HYDIN: variants seen among roughly 807,000 people sequenced by gnomAD.
The protein encoded by HYDIN is axonemal central pair apparatus protein HYDIN.
Under a neutral mutation model 403.9 loss-of-function variants are expected in HYDIN, and 132 were observed. The observed-to-expected ratio is 0.33, with a 90% confidence interval of 0.28 to 0.38. The LOEUF (loss-of-function observed/expected upper bound fraction) is 0.38, where lower values mean the gene tolerates loss of function less well. Ranked by LOEUF, HYDIN falls within the 10% of genes least tolerant of loss-of-function variation. The pLI is 1.00. For synonymous variants in HYDIN, 1,202 were observed against 1,891.7 expected, an observed-to-expected ratio of 0.64 and a Z score of 9.46; for missense variants, 2,827 against 5,009.5, an observed-to-expected ratio of 0.56 and a Z score of 13.15.
At chr16:71,217,126 C>A (rs758997550) in intron 1 of HYDIN, among the ~76,000 whole-genome samples, 3 of 152,212 alleles carry the variant, frequency 2.0e-5, no homozygotes, top group Admixed American at 6.5e-5. Flanking sequence ...ATTTAACCTA[C>A]ATAAAATTTA....
chr16:70,859,761 T>C (rs535698228), intron 71 of HYDIN, among the ~76,000 whole-genome samples: 3 of 152,278 alleles, frequency 2.0e-5, no homozygotes, highest in Admixed American at 1.3e-4. Flanking sequence ...TATGCTACTC[T>C]ATGAGTCCTA....
At chr16:71,017,173 C>G (rs893509891) in intron 23 of HYDIN, among the ~76,000 whole-genome samples, 1 of 147,990 alleles carries the variant, frequency 6.8e-6, no homozygotes, top group Non-Finnish European at 1.5e-5. Context: ...AACCGCATCT[C>G]TACTAAAAAT....
At chr16:70,818,970 A>G (rs1169037400) in intron 83 of HYDIN, among the ~76,000 whole-genome samples, 1 of 152,074 alleles carries the variant, frequency 6.6e-6, no homozygotes, top group African/African-American at 2.4e-5. Flanking sequence ...GCTGGAGTGC[A>G]ATGGCATGAC....
At chr16:71,134,511 C>T (rs562506666) in intron 8 of HYDIN, among the ~76,000 whole-genome samples, 8 of 152,356 alleles carry the variant, frequency 5.3e-5, no homozygotes, top group Non-Finnish European at 7.3e-5. Context: ...CTAAAGATCT[C>T]GCTGCTGCTT....
Position 70,818,481 on chromosome 16 carries a change from A to G in HYDIN, c.14519T>C (p.Met4840Thr). 6.7e-7 allele frequency: 1 copy of G among 1,500,954 alleles called. No individual in the cohort carries two copies. Among genetic ancestry groups the G allele is most frequent in the Non-Finnish European group, 9.2e-7 (1 of 1,091,530 alleles). The allele number at this position is 1,500,954 out of a possible 1,614,324, so 93.0% of individuals were successfully genotyped here. ...CGCAACTTGCCGGACTGGGGTCACCATCTCGATGGTTTTGATGATGCCTGA... is the reference window on the plus strand; with the variant it reads ...CGCAACTTGCCGGACTGGGGTCACCGTCTCGATGGTTTTGATGATGCCTGA... ...IPSGIIKTIE[M>T]VTPVRQVASA... is the part of the protein sequence containing the mutation. The change falls in exon 84 of 86, where the codon ATG becomes ACG. Residue 4840 changes from methionine to threonine, a missense_variant. Transcript: ENST00000393567.
In HYDIN at chr16:70,955,458, C is replaced by T. The variant is rs2078204251; in HGVS notation, c.6233G>A (p.Ser2078Asn). The T allele has an allele frequency of 6.2e-7, 1 of 1,614,014 alleles. No homozygotes were observed. The highest frequency in any genetic ancestry group is 8.5e-7 in the Non-Finnish European group (1 of 1,179,938). Residue 2078 changes from serine to asparagine, a missense_variant, in exon 40 of 86, where the codon AGC (serine) becomes AAC (asparagine). Coordinates refer to ENST00000393567, the MANE Select transcript of HYDIN (RefSeq NM_001270974.2). ...DSIVLEAVAN[S>N]NNIPGIRARE... is the part of the protein sequence containing the mutation. ...GGCCCGGATCCCTGGGATGTTGTTG[C>T]TGTTGGCCACAGCTTCCAGCACAAT...
intron 13 of HYDIN, 97 bp from the exon 14 acceptor site, chr16:71,069,599 T>A: frequency 1.5e-6 from 1 of 669,878 alleles, no homozygotes; most frequent in East Asian, 2.7e-5. Flanking sequence ...TTGAATGAAC[T>A]GTCTGTGCTA....
chr16:70,892,573 G>A (rs528241569), intron 55 of HYDIN, 44 bp from the exon 56 acceptor site: 2 of 1,576,524 alleles, frequency 1.3e-6, no homozygotes, highest in Non-Finnish European at 1.7e-6. Flanking sequence ...ATTATCCCGG[G>A]AACTCAAGAT....
At chr16:71,110,270 T>C (rs1459122861) in intron 10 of HYDIN, among the ~76,000 whole-genome samples, 1 of 145,414 alleles carries the variant, frequency 6.9e-6, no homozygotes, top group Non-Finnish European at 1.5e-5. Context: ...ATAATTATGA[T>C]ATACATAATA....
chr16:71,107,018 AG>A (rs2083640970), intron 10 of HYDIN, among the ~76,000 whole-genome samples: 1 of 149,212 alleles, frequency 6.7e-6, no homozygotes, highest in Non-Finnish European at 1.5e-5. Flanking sequence ...ACATGGATGA[AG>A]CTGGAAACCA....
At chr16:71,230,463 G>A (rs924405067) in intron 1 of HYDIN, 99 bp downstream of exon 1, 1 of 1,374,936 alleles carries the variant, frequency 7.3e-7, no homozygotes, top group Non-Finnish European at 9.6e-7. Flanking sequence ...GAGAACGCCT[G>A]GGACGCAGGG....
At position 71,151,937 on chromosome 16, in the gene HYDIN, C is replaced by T. The variant is rs144193547; in HGVS notation, c.841+722G>A. On this transcript the variant is annotated intron_variant, in intron 7 of 85. Coordinates refer to ENST00000393567, the MANE Select transcript of HYDIN (RefSeq NM_001270974.2). Reference sequence around the variant, plus strand: ...TGTAAGATGTTATGTAGGATATTTGCATGTTCTAAGGATTAAAGTAACTGG... The same window carrying T: ...TGTAAGATGTTATGTAGGATATTTGTATGTTCTAAGGATTAAAGTAACTGG... Among the ~76,000 whole-genome samples, 421 of 152,252 alleles carry T rather than the reference C, an allele frequency of 2.8e-3. 2 individuals are homozygous for T. The highest frequency in any genetic ancestry group is 2.2e-3 in the Non-Finnish European group (151 of 68,042).
chr16:70,949,029 C>T (rs1031462606), intron 41 of HYDIN, among the ~76,000 whole-genome samples: 1 of 150,692 alleles, frequency 6.6e-6, no homozygotes, highest in Admixed American at 6.6e-5. Flanking sequence ...TGCGGCACTA[C>T]TCACAATAGC....
At chr16:70,991,521 T>C (rs1360107352) in intron 24 of HYDIN, 125 bp from the exon 25 acceptor site, 1 of 1,445,684 alleles carries the variant, frequency 6.9e-7, no homozygotes, top group Admixed American at 2.2e-5. Flanking sequence ...AGGGGGATTC[T>C]CAATCAAGGG....
intron 1 of HYDIN, among the ~76,000 whole-genome samples, chr16:71,210,622 A>G (rs1397214407): frequency 6.6e-6 from 1 of 152,198 alleles, no homozygotes; most frequent in Non-Finnish European, 1.5e-5. Flanking sequence ...AGTTTCTTAT[A>G]TAACAAGCCA....
chr16:71,097,917 T>G (rs2083321534), intron 10 of HYDIN, among the ~76,000 whole-genome samples: 1 of 152,208 alleles, frequency 6.6e-6, no homozygotes, highest in African/African-American at 2.4e-5. Flanking sequence ...TGACATTTTA[T>G]GTTCCACTGT....
intron 23 of HYDIN, among the ~76,000 whole-genome samples, chr16:71,012,961 C>A (rs1339654242): frequency 6.8e-6 from 1 of 147,308 alleles, no homozygotes; most frequent in East Asian, 2.0e-4. Flanking sequence ...GAAATGATCT[C>A]CTTCTCTCTA....
chr16:71,043,422 T>C (rs2081349681), intron 18 of HYDIN, among the ~76,000 whole-genome samples: 1 of 143,524 alleles, frequency 7.0e-6, no homozygotes, highest in South Asian at 2.2e-4. Context: ...ATATTGCGTC[T>C]TAGAACTCCT....
intron 15 of HYDIN, chr16:71,066,451 T>G (rs2082270132): frequency 6.3e-6 from 1 of 159,734 alleles, no homozygotes; most frequent in Non-Finnish European, 1.4e-5. Context: ...CTTCCTAAGA[T>G]TCACAAGAGA....
Sources: gnomAD v4.1 joint callset for allele counts (sites outside exome capture counted in the v4.1 genomes callset) on GRCh38, gnomAD v4.1.1 for gene constraint, MANE v1.5 for transcripts, NCBI Gene and HGNC (gene_info 2026-07-23, HGNC 2026-07-21) for gene names.